RBM22: variants seen among roughly 807,000 people sequenced by gnomAD.
RBM22 encodes the protein pre-mRNA-splicing factor RBM22.
Under a neutral mutation model 50.1 loss-of-function variants are expected in RBM22, and 1 was observed. The observed-to-expected ratio is 0.02, with a 90% CI of 0.01 to 0.09. The LOEUF (loss-of-function observed/expected upper bound fraction) is 0.09, where lower values mean the gene tolerates loss of function less well. Among genes scored for constraint, RBM22 ranks in the 10% least tolerant of loss-of-function variants. The pLI is 1.00. For synonymous variants in RBM22, 152 were observed against 179.0 expected (o/e 0.85, Z 1.20); for missense variants, 264 against 529.3 (o/e 0.50, Z 4.92).
At chr5:150,694,282 A>G in intron 7 of RBM22, 42 bp from the exon 8 acceptor site, 1 of 1,595,070 alleles carries the variant, frequency 6.3e-7, no homozygotes. Context: ...TGGGAGTTAA[A>G]AAAGATGTAC....
At chr5:150,695,398 T>C in intron 7 of RBM22, 108 bp downstream of exon 7, 1 of 986,078 alleles carries the variant, frequency 1.0e-6, no homozygotes, top group South Asian at 1.6e-5. Flanking sequence ...ATAGAGAGAC[T>C]ACAGAAAAAT....
intron 7 of RBM22, 189 bp downstream of exon 7, chr5:150,695,317 C>T: frequency 3.4e-6 from 2 of 595,930 alleles, no homozygotes; most frequent in Non-Finnish European, 5.9e-6. Context: ...TGCCCAGCCA[C>T]ATAAGCACAT....
intron 3 of RBM22, 35 bp from the exon 4 acceptor site, chr5:150,698,666 G>A: frequency 1.2e-6 from 2 of 1,608,668 alleles, no homozygotes; most frequent in Non-Finnish European, 8.5e-7. Flanking sequence ...GAATGTCAAT[G>A]GTCCTGATCT....
intron 7 of RBM22, chr5:150,694,563 A>C: frequency 4.5e-6 from 1 of 222,548 alleles, no homozygotes; most frequent in Non-Finnish European, 8.7e-6. Context: ...CTCAAGGCCC[A>C]TGAGCCAAGA....
At position 150,692,939 on chromosome 5, in the gene RBM22, A is replaced by C; in HGVS notation, c.1088T>G (p.Ile363Ser). Residue 363 changes from isoleucine to serine, a missense_variant, in exon 10 of 11, where the codon ATT becomes AGT. Transcript: ENST00000199814. ...AATGCCAGGGGGCGGTGGCAGAGCA[A>C]TGTTCACCACAGCTGGAGGACCACT... Reference protein sequence around the residue: ...PPSGPPAVVNIALPPPPGIAP... With the variant: ...PPSGPPAVVNSALPPPPGIAP... 1 of 1,613,230 alleles carries C rather than the reference A, an allele frequency of 6.2e-7. No individual in the cohort carries two copies. Among genetic ancestry groups the C allele is most frequent in the Non-Finnish European group, 8.5e-7 (1 of 1,179,598 alleles).
intron 7 of RBM22, 47 bp from the exon 8 acceptor site, chr5:150,694,287 A>T (rs1759245901): frequency 1.3e-6 from 2 of 1,589,878 alleles, no homozygotes; most frequent in Non-Finnish European, 1.7e-6. Context: ...GTTAAAAAAG[A>T]TGTACCCAGG....
Position 150,698,388 on chromosome 5 carries a change from T to C in RBM22, c.271+111A>G, listed in dbSNP as rs1353808677. 4 of 1,377,958 alleles carry C rather than the reference T, an allele frequency of 2.9e-6. No homozygotes were observed. In the South Asian group the frequency reaches 4.0e-5, roughly 14 times the overall value. 85.4% of individuals were successfully genotyped at this position (1,377,958 alleles called of 1,614,324 possible). A position where few individuals can be genotyped will look rare whatever the true frequency, so the allele number is the denominator to read the frequency against. ...TGGGAAAAGCAGACCACGGCAGACA[T>C]TCCAAAGTGAAATCAGAACCAGAGC... is the stretch of plus-strand genomic sequence containing the variant. On this transcript the variant is annotated intron_variant, in intron 4 of 10. Coordinates refer to ENST00000199814, the MANE Select transcript of RBM22 (RefSeq NM_018047.3).
In RBM22 at chr5:150,699,221, C is replaced by T. The variant is rs1245589568; in HGVS notation, c.138+21G>A. On this transcript the variant is annotated intron_variant, in intron 3 of 10. Coordinates refer to ENST00000199814, the MANE Select transcript of RBM22 (RefSeq NM_018047.3). ...AAGAAAAATGAAACAGAAATCATTA[C>T]TCTTTAACAGACATACTTACTTTGC... 3.2e-6 allele frequency: 5 copies of T among 1,582,658 alleles called. No individual in the cohort carries two copies. In the South Asian group the frequency reaches 3.5e-5, roughly 11 times the overall value.
rs573440741 is a variant in RBM22 at position 150,691,344 on chromosome 5, G to A, written c.*407C>T. 1.6e-4 allele frequency: 24 copies of A among 153,630 alleles called. No homozygotes were observed. In the East Asian group the frequency reaches 3.4e-3, roughly 21 times the overall value. 9.5% of individuals were successfully genotyped at this position (153,630 alleles called of 1,614,324 possible). A position where few individuals can be genotyped will look rare whatever the true frequency, so the allele number is the denominator to read the frequency against. ...TTATCTTTTTTTAAGATGATAAAAA[G>A]GAAAGTATCCAATGGACATAAAAAT... is the stretch of plus-strand genomic sequence containing the variant. On this transcript the variant is annotated 3_prime_UTR_variant, in exon 11 of 11. Coordinates refer to ENST00000199814, the MANE Select transcript of RBM22 (RefSeq NM_018047.3).
In RBM22 at chr5:150,700,427, C is replaced by T; in HGVS notation, c.108+17G>A. 1.9e-6 allele frequency: 3 copies of T among 1,601,106 alleles called. No individual in the cohort carries two copies. Among genetic ancestry groups the T allele is most frequent in the Non-Finnish European group, 8.6e-7 (1 of 1,168,348 alleles). On this transcript the variant is annotated intron_variant, in intron 2 of 10. Coordinates refer to ENST00000199814, the MANE Select transcript of RBM22 (RefSeq NM_018047.3). ...TCGACAGGACATGAATAACTCGTTT[C>T]ACACGCGATCACTCACCATTCGGAT...
intron 4 of RBM22, among the ~76,000 whole-genome samples, chr5:150,697,308 G>C (rs746620572): frequency 6.6e-6 from 1 of 152,144 alleles, no homozygotes; most frequent in Non-Finnish European, 1.5e-5. Context: ...TGTAGTCCTA[G>C]CTACCCAGGA....
At chr5:150,700,383 G>C in intron 2 of RBM22, 61 bp downstream of exon 2, 3 of 1,481,554 alleles carry the variant, frequency 2.0e-6, no homozygotes, top group Non-Finnish European at 2.8e-6. Flanking sequence ...ACACTTCACA[G>C]TGTGCAAGTA....
At chr5:150,697,105 T>A (rs1289958837) in intron 4 of RBM22, among the ~76,000 whole-genome samples, 1 of 152,206 alleles carries the variant, frequency 6.6e-6, no homozygotes, top group Non-Finnish European at 1.5e-5. Context: ...TGTCAGGAAA[T>A]TTGATGAAAT....
intron 10 of RBM22, among the ~76,000 whole-genome samples, chr5:150,692,690 G>A (rs1358312208): frequency 3.3e-5 from 5 of 152,106 alleles, no homozygotes; most frequent in African/African-American, 4.8e-5. Context: ...ACACATATAC[G>A]CGGATCTTTA....
chr5:150,695,933 T>C (rs1055051239), intron 6 of RBM22, among the ~76,000 whole-genome samples: 15 of 146,140 alleles, frequency 1.0e-4, no homozygotes, highest in Non-Finnish European at 2.1e-4. Flanking sequence ...TTAGGCCATC[T>C]AGGATGCCAA....
chr5:150,698,654 T>C (rs1019175527), intron 3 of RBM22, 23 bp from the exon 4 acceptor site: 14 of 1,612,968 alleles, frequency 8.7e-6, no homozygotes, highest in African/African-American at 1.3e-5. Context: ...GCAAGAGCCA[T>C]AGAATGTCAA....
Position 150,693,133 on chromosome 5 carries a change from C to T in RBM22, c.1000+86G>A, listed in dbSNP as rs190790052. ...TCCTACTGGGAGAGTAGAGCGGCAA[C>T]ATGAACCAGACCTGGGTCCCATCTT... On this transcript the variant is annotated intron_variant, in intron 9 of 10. Coordinates refer to ENST00000199814, the MANE Select transcript of RBM22 (RefSeq NM_018047.3). 6.8e-4 allele frequency: 1,047 copies of T among 1,543,646 alleles called. 9 individuals carry two copies. In the African/African-American group the frequency reaches 0.013, roughly 19 times the overall value.
rs964972116 is a variant in RBM22, at chr5:150,691,658, A to C, written c.*93T>G. The stretch of plus-strand genomic sequence containing the variant: ...CTGAGCACATTCAGCTACCATGGAA[A>C]CTACAAGGGAAGGAAAAATATATTT... On this transcript the variant is annotated 3_prime_UTR_variant, in exon 11 of 11. Coordinates refer to ENST00000199814, the MANE Select transcript of RBM22 (RefSeq NM_018047.3). The C allele has an allele frequency of 7.5e-7, 1 of 1,341,974 alleles. No homozygotes were observed. The highest frequency in any genetic ancestry group is 1.5e-5 in the African/African-American group (1 of 67,324). 83.1% of individuals were successfully genotyped at this position (1,341,974 alleles called of 1,614,324 possible). A position where few individuals can be genotyped will look rare whatever the true frequency, so the allele number is the denominator to read the frequency against.
chr5:150,698,779 A>G, intron 3 of RBM22, 148 bp from the exon 4 acceptor site: 1 of 1,123,686 alleles, frequency 8.9e-7, no homozygotes, highest in East Asian at 2.6e-5. Context: ...TTGATGTTTC[A>G]ATACAATTTT....
Sources: gnomAD v4.1 joint callset for allele counts (sites outside exome capture counted in the v4.1 genomes callset) on GRCh38, gnomAD v4.1.1 for gene constraint, MANE v1.5 for transcripts, NCBI Gene and HGNC (gene_info 2026-07-23, HGNC 2026-07-21) for gene names.